Variants in IFT74 observed in about 807,000 individuals in gnomAD.
IFT74 encodes the protein intraflagellar transport protein 74 homolog.
A neutral mutation model predicts 96.7 loss-of-function variants in IFT74; 92 were observed. That is an observed-to-expected ratio of 0.95 (90% CI 0.80 to 1.13). The LOEUF is 1.13. Ranked by LOEUF, IFT74 falls within the 50% of genes most tolerant of loss-of-function variation. IFT74 has a pLI of 0.00. For synonymous variants in IFT74, 223 were observed against 213.2 expected, an observed-to-expected ratio of 1.05 and a Z score of -0.40; for missense variants, 811 against 698.2, an observed-to-expected ratio of 1.16 and a Z score of -1.82.
chr9:26,965,833 T>A (rs1826584503), intron 2 of IFT74, among the ~76,000 whole-genome samples: 1 of 152,082 alleles, frequency 6.6e-6, no homozygotes, highest in South Asian at 2.1e-4. Flanking sequence ...ACTCTGTATG[T>A]CCGTATGTAC....
chr9:27,006,900 A>C (rs569223053), intron 8 of IFT74, among the ~76,000 whole-genome samples: 1 of 132,682 alleles, frequency 7.5e-6, no homozygotes, highest in Non-Finnish European at 1.5e-5. Flanking sequence ...GTAGTGGCGC[A>C]GTCTCGGCTC....
chr9:27,041,922 C>T (rs1039904471), intron 13 of IFT74, among the ~76,000 whole-genome samples: 1 of 152,108 alleles, frequency 6.6e-6, no homozygotes, highest in Non-Finnish European at 1.5e-5. Flanking sequence ...AGCTCTGTCC[C>T]ATCTAATCCA....
intron 1 of IFT74, among the ~76,000 whole-genome samples, chr9:26,948,300 A>G (rs897071340): frequency 6.6e-6 from 1 of 152,056 alleles, no homozygotes; most frequent in Non-Finnish European, 1.5e-5. Context: ...ATCTGTACCA[A>G]TTAGTCCTAC....
At chr9:26,965,149 A>G (rs766959205) in intron 2 of IFT74, among the ~76,000 whole-genome samples, 3 of 152,190 alleles carry the variant, frequency 2.0e-5, no homozygotes, top group African/African-American at 4.8e-5. Flanking sequence ...TACTTTAACA[A>G]AAGTTTAAAA....
At chr9:27,030,722 C>G (rs2131646376) in intron 13 of IFT74, among the ~76,000 whole-genome samples, 1 of 152,270 alleles carries the variant, frequency 6.6e-6, no homozygotes, top group South Asian at 2.1e-4. Context: ...AGATGTCATG[C>G]TACTTTCCAA....
intron 13 of IFT74, among the ~76,000 whole-genome samples, chr9:27,035,182 A>G (rs1819115032): frequency 2.0e-5 from 3 of 152,248 alleles, no homozygotes; most frequent in African/African-American, 7.2e-5. Context: ...TACTTTATAA[A>G]AGCAAAATTG....
chr9:27,055,077 G>A (rs547997172), intron 16 of IFT74, among the ~76,000 whole-genome samples: 1 of 152,256 alleles, frequency 6.6e-6, no homozygotes, highest in Non-Finnish European at 1.5e-5. Context: ...ACTAAAATGT[G>A]ACTAAAGGCT....
At chr9:27,034,715 AG>A (rs1467206507) in intron 13 of IFT74, among the ~76,000 whole-genome samples, 20 of 152,194 alleles carry the variant, frequency 1.3e-4, no homozygotes, top group Admixed American at 7.2e-4. Context: ...TTTTTAGTAG[AG>A]ATGGGGTTTC....
chr9:26,975,475 T>G (rs1827076044), intron 2 of IFT74, among the ~76,000 whole-genome samples: 1 of 152,216 alleles, frequency 6.6e-6, no homozygotes, highest in Admixed American at 6.5e-5. Context: ...AACAATATTG[T>G]ATCATTTGCT....
At chr9:27,025,779 A>G (rs1415574958) in intron 12 of IFT74, among the ~76,000 whole-genome samples, 1 of 152,190 alleles carries the variant, frequency 6.6e-6, no homozygotes, top group Non-Finnish European at 1.5e-5. Context: ...TTTCAGAGAA[A>G]TGCTGAGAGA....
chr9:27,046,443 AT>A (rs1819705569), intron 14 of IFT74, among the ~76,000 whole-genome samples: 1 of 152,162 alleles, frequency 6.6e-6, no homozygotes, highest in African/African-American at 2.4e-5. Flanking sequence ...GAAAGTTTCT[AT>A]TTTTTAGATG....
At position 26,974,056 on chromosome 9, in the gene IFT74, C is replaced by T. The variant is rs140812708; in HGVS notation, c.121-4072C>T. ...CTGGGATTCTTTGACTTTGCTCCCCCACACTCTTTAGAGGGCCTAGGAAAT... is the reference window on the plus strand; with the variant it reads ...CTGGGATTCTTTGACTTTGCTCCCCTACACTCTTTAGAGGGCCTAGGAAAT... On this transcript the variant is annotated intron_variant, in intron 2 of 19. Coordinates refer to ENST00000380062, the MANE Select transcript of IFT74 (RefSeq NM_025103.4). Among the ~76,000 whole-genome samples, 65 of 152,256 alleles carry T rather than the reference C, an allele frequency of 4.3e-4. No homozygotes were observed. In the East Asian group the frequency reaches 7.5e-3, roughly 18 times the overall value.
At chr9:27,043,946 T>C (rs1173539585) in intron 13 of IFT74, among the ~76,000 whole-genome samples, 1 of 152,232 alleles carries the variant, frequency 6.6e-6, no homozygotes, top group Non-Finnish European at 1.5e-5. Context: ...CTGGAAATAT[T>C]TTTCAAAATT....
chr9:27,031,508 T>C (rs1427691778), intron 13 of IFT74, among the ~76,000 whole-genome samples: 1 of 150,926 alleles, frequency 6.6e-6, no homozygotes, highest in African/African-American at 2.4e-5. Context: ...TACAGATTAA[T>C]ACTTGAGAGT....
intron 2 of IFT74, among the ~76,000 whole-genome samples, chr9:26,963,547 A>G (rs1291761278): frequency 3.3e-5 from 5 of 150,790 alleles, no homozygotes; most frequent in Admixed American, 6.6e-5. Flanking sequence ...GACTTCCACA[A>G]TGGTTGAACT....
intron 4 of IFT74, among the ~76,000 whole-genome samples, chr9:26,981,180 A>T (rs1324887732): frequency 2.6e-5 from 4 of 152,178 alleles, no homozygotes; most frequent in Non-Finnish European, 5.9e-5. Flanking sequence ...ATACTATTGC[A>T]TTAGAGATTA....
At chr9:26,957,332 A>AT (rs1229714113) in intron 1 of IFT74, among the ~76,000 whole-genome samples, 1 of 152,212 alleles carries the variant, frequency 6.6e-6, no homozygotes, top group African/African-American at 2.4e-5. Flanking sequence ...ACCTAGAGTA[A>AT]TATCTTTTCC....
intron 16 of IFT74, among the ~76,000 whole-genome samples, chr9:27,050,215 G>A (rs551948973): frequency 9.9e-5 from 15 of 152,164 alleles, no homozygotes; most frequent in East Asian, 7.7e-4. Context: ...ACACCAGCAC[G>A]CCTAGCTAAT....
At chr9:26,973,517 TG>T (rs1055247250) in intron 2 of IFT74, among the ~76,000 whole-genome samples, 4 of 152,196 alleles carry the variant, frequency 2.6e-5, no homozygotes. Context: ...TCAGGATGAA[TG>T]TATTTTTCGT....
Sources: gnomAD v4.1 joint callset for allele counts (sites outside exome capture counted in the v4.1 genomes callset) on GRCh38, gnomAD v4.1.1 for gene constraint, MANE v1.5 for transcripts, NCBI Gene and HGNC (gene_info 2026-07-23, HGNC 2026-07-21) for gene names.